Variants in OCA2 observed in about 807,000 individuals in gnomAD.
OCA2 encodes the protein P protein.
OCA2 carries 77 observed loss-of-function variants against 100.2 expected under a neutral mutation model. The observed-to-expected ratio is 0.77, with a 90% CI of 0.64 to 0.93. OCA2 has a LOEUF of 0.93. OCA2 is among the 40% of genes least tolerant of loss of function. OCA2 has a pLI of 0.00. For synonymous variants in OCA2, 432 were observed against 439.2 expected (o/e 0.98, Z 0.21); for missense variants, 1,062 against 1,089.1 (o/e 0.98, Z 0.35).
At chr15:27,864,877 TAGGGCC>T (rs1478402152) in intron 21 of OCA2, among the ~76,000 whole-genome samples, 2 of 152,012 alleles carry the variant, frequency 1.3e-5, no homozygotes, top group Admixed American at 6.5e-5. Context: ...ACTCGGTCTT[TAGGGCC>T]ATGCAATGGA....
chr15:27,960,101 C>T (rs993955977), intron 15 of OCA2, among the ~76,000 whole-genome samples: 1 of 152,154 alleles, frequency 6.6e-6, no homozygotes, highest in African/African-American at 2.4e-5. Context: ...TCCCTCTGAA[C>T]CCTGTGCTGC....
chr15:27,864,804 G>A (rs572066097), intron 21 of OCA2, among the ~76,000 whole-genome samples: 2 of 152,152 alleles, frequency 1.3e-5, no homozygotes, highest in South Asian at 4.2e-4. Context: ...GAAAAGTTAA[G>A]GTTTAAATGG....
intron 23 of OCA2, among the ~76,000 whole-genome samples, chr15:27,760,017 A>G (rs2030705305): frequency 6.6e-6 from 1 of 152,166 alleles, no homozygotes; most frequent in African/African-American, 2.4e-5. Context: ...TTTTCTTACC[A>G]TAAGCAATCA....
downstream of OCA2, among the ~76,000 whole-genome samples, chr15:27,753,366 A>C (rs1315655191): frequency 6.6e-6 from 1 of 151,708 alleles, no homozygotes; most frequent in Non-Finnish European, 1.5e-5. Flanking sequence ...GTGGGGCATG[A>C]ATAGGAACCT....
intron 23 of OCA2, among the ~76,000 whole-genome samples, chr15:27,833,125 CT>C (rs2035025259): frequency 1.3e-5 from 2 of 152,162 alleles, no homozygotes; most frequent in African/African-American, 4.8e-5. Context: ...CTGATAAATT[CT>C]TTAGTTACCC....
intron 23 of OCA2, among the ~76,000 whole-genome samples, chr15:27,834,696 A>C (rs555938323): frequency 5.0e-4 from 76 of 152,308 alleles, no homozygotes; most frequent in African/African-American, 1.8e-3. Flanking sequence ...TGGAGAATTA[A>C]AGGATCAGCT....
chr15:27,857,382 T>A (rs774445030), intron 21 of OCA2, among the ~76,000 whole-genome samples: 2 of 152,078 alleles, frequency 1.3e-5, no homozygotes, highest in Non-Finnish European at 2.9e-5. Flanking sequence ...GAAAGTAAGA[T>A]GGTGGTTGCC....
the OCA2 span, among the ~76,000 whole-genome samples, chr15:27,722,119 T>C: frequency 1.1e-4 from 17 of 152,218 alleles, no homozygotes; most frequent in African/African-American, 3.4e-4. Flanking sequence ...ATGAATCAAG[T>C]AGTTACTGAA....
chr15:27,812,625 C>A (rs2034123923), intron 23 of OCA2, among the ~76,000 whole-genome samples: 2 of 152,172 alleles, frequency 1.3e-5, no homozygotes, highest in Admixed American at 6.5e-5. Context: ...AGTTATTATT[C>A]ATTCCAAGTT....
intron 14 of OCA2, among the ~76,000 whole-genome samples, chr15:27,980,955 C>G (rs895582185): frequency 2.0e-5 from 3 of 152,116 alleles, no homozygotes; most frequent in South Asian, 2.1e-4. Flanking sequence ...TTTTCAGATG[C>G]CTTTTTCCGT....
intron 19 of OCA2, among the ~76,000 whole-genome samples, chr15:27,907,507 A>G (rs2038222880): frequency 6.6e-6 from 1 of 152,226 alleles, no homozygotes; most frequent in South Asian, 2.1e-4. Flanking sequence ...TAATGAAGTT[A>G]AAGCAGAAAT....
At chr15:28,038,723 CA>C (rs1399045525) in intron 2 of OCA2, among the ~76,000 whole-genome samples, 1 of 152,224 alleles carries the variant, frequency 6.6e-6, no homozygotes, top group Non-Finnish European at 1.5e-5. Context: ...TGTAAGCACT[CA>C]CCTCATGCTG....
At chr15:27,772,854 AG>A (rs1408306484) in intron 23 of OCA2, among the ~76,000 whole-genome samples, 2 of 151,148 alleles carry the variant, frequency 1.3e-5, no homozygotes, top group Non-Finnish European at 3.0e-5. Flanking sequence ...AAAAAAAAAA[AG>A]GAAAAAAAGA....
chr15:27,766,116 G>C (rs1254825980), intron 23 of OCA2, among the ~76,000 whole-genome samples: 1 of 152,116 alleles, frequency 6.6e-6, no homozygotes, highest in Non-Finnish European at 1.5e-5. Context: ...AGGAAGTCCA[G>C]ACCAATAAAT....
At chr15:28,032,782 G>A (rs2141386591) in intron 2 of OCA2, among the ~76,000 whole-genome samples, 1 of 130,230 alleles carries the variant, frequency 7.7e-6, no homozygotes, top group Admixed American at 8.2e-5. Context: ...GACAGAGCGA[G>A]ACTCTGTCTC....
intron 2 of OCA2, among the ~76,000 whole-genome samples, chr15:28,040,288 C>T (rs1194560934): frequency 2.6e-5 from 4 of 152,078 alleles, no homozygotes; most frequent in East Asian, 1.9e-4. Context: ...TTCTAGCAAA[C>T]TAATATAATA....
At chr15:27,954,711 A>AG (rs1377642736) in intron 17 of OCA2, among the ~76,000 whole-genome samples, 193 of 151,610 alleles carry the variant, frequency 1.3e-3, no homozygotes, top group African/African-American at 3.5e-3. Context: ...AAAAAACAAA[A>AG]CAAAAGAAAA....
At chr15:27,770,219 G>A (rs73370387) in intron 23 of OCA2, among the ~76,000 whole-genome samples, 5,804 of 152,320 alleles carry the variant, frequency 0.038, 360 homozygotes, top group African/African-American at 0.13. Context: ...GGCGGGCGGA[G>A]GGAAGGGGCG....
intron 2 of OCA2, among the ~76,000 whole-genome samples, chr15:28,034,658 C>G (rs1191424130): frequency 6.6e-6 from 1 of 151,938 alleles, no homozygotes; most frequent in African/African-American, 2.4e-5. Flanking sequence ...TCCTGTAGTC[C>G]CAGCTACTGG....
Sources: allele counts gnomAD v4.1 joint callset (sites outside exome capture counted in the v4.1 genomes callset), GRCh38; gene constraint gnomAD v4.1.1; transcripts MANE v1.5; gene names NCBI Gene and HGNC (gene_info 2026-07-23, HGNC 2026-07-21).